Variants in CNTNAP3 observed in about 807,000 individuals in gnomAD.
The protein encoded by CNTNAP3 is contactin-associated protein-like 3.
Under a neutral mutation model 92.1 loss-of-function variants are expected in CNTNAP3, and 36 were observed. The ratio of observed to expected loss-of-function variants is 0.39; its 90% CI spans 0.30 to 0.52. The LOEUF (loss-of-function observed/expected upper bound fraction) is 0.52, where lower values mean the gene tolerates loss of function less well. Among genes scored for constraint, CNTNAP3 ranks in the 20% least tolerant of loss-of-function variants. CNTNAP3 has a pLI of 0.76. For synonymous variants in CNTNAP3, 232 were observed against 422.3 expected (o/e 0.55, Z 5.53); for missense variants, 534 against 1,069.6 (o/e 0.50, Z 6.98).
chr9:39,108,088 A>G (rs892513750), intron 15 of CNTNAP3, among the ~76,000 whole-genome samples: 22 of 152,140 alleles, frequency 1.4e-4, no homozygotes, highest in African/African-American at 5.3e-4. Context: ...TACTGCTCAC[A>G]GCACAGCATG....
At chr9:39,140,390 T>C in intron 12 of CNTNAP3, 129 bp downstream of exon 12, 1 of 1,389,486 alleles carries the variant, frequency 7.2e-7, no homozygotes, top group Non-Finnish European at 9.5e-7. Context: ...ACAAAATTAA[T>C]AAATATATAT....
chr9:39,161,695 T>TAATAATAATAATAAA lies in CNTNAP3; in HGVS notation c.1477+4237_1477+4238insTTTATTATTATTATT, dbSNP rs35637989. Among the ~76,000 whole-genome samples, 37 of 127,664 alleles carry TAATAATAATAATAAA rather than the reference T, an allele frequency of 2.9e-4. 3 individuals carry two copies. The South Asian group carries it at 3.2e-3, about 11-fold the overall frequency. The allele number at this position is 127,664 out of a possible 152,430, so 83.8% of individuals were successfully genotyped here. A position where few individuals can be genotyped will look rare whatever the true frequency, so the allele number is the denominator to read the frequency against. ...ATAATAATAATAATAATAATAATAA[T>TAATAATAATAATAAA]AAATTAGCTGGATGTGGTGGCACGT... is the stretch of plus-strand genomic sequence containing the variant. On this transcript the variant is annotated intron_variant, in intron 9 of 23. Coordinates refer to ENST00000297668, the MANE Select transcript of CNTNAP3 (RefSeq NM_033655.5).
At chr9:39,147,546 T>C (rs1821732166) in intron 10 of CNTNAP3, among the ~76,000 whole-genome samples, 2 of 152,326 alleles carry the variant, frequency 1.3e-5, no homozygotes, top group South Asian at 4.1e-4. Flanking sequence ...CCTTTATTTG[T>C]AGCCCTATTT....
At chr9:39,096,489 G>T (rs1826328780) in intron 18 of CNTNAP3, among the ~76,000 whole-genome samples, 1 of 151,944 alleles carries the variant, frequency 6.6e-6, no homozygotes, top group Non-Finnish European at 1.5e-5. Context: ...CAAACAATGT[G>T]TAATGATCAA....
intron 15 of CNTNAP3, among the ~76,000 whole-genome samples, chr9:39,108,468 T>C (rs1181021721): frequency 2.6e-5 from 4 of 152,142 alleles, no homozygotes; most frequent in Non-Finnish European, 5.9e-5. Context: ...AGAAGTAGCC[T>C]CCACACATTG....
rs1245614690 is a variant in CNTNAP3 at position 39,065,115 on chromosome 9, C to T, written c.*8775G>A. 1.3e-5 allele frequency among the ~76,000 whole-genome samples: 2 copies of T among 152,304 alleles called. No individual in the cohort carries two copies. Among genetic ancestry groups the T allele is most frequent in the African/African-American group, 4.8e-5 (2 of 41,480 alleles). ...AAGACATAGAACATTTCCATCACTC[C>T]AGAAACTTCCCTTGTGTTTCTCTGC... On this transcript the variant is annotated 3_prime_UTR_variant, in exon 24 of 24. Coordinates refer to ENST00000297668, the MANE Select transcript of CNTNAP3 (RefSeq NM_033655.5).
chr9:39,117,086 G>A (rs1820876447), intron 14 of CNTNAP3, among the ~76,000 whole-genome samples: 2 of 151,982 alleles, frequency 1.3e-5, no homozygotes, highest in Non-Finnish European at 2.9e-5. Flanking sequence ...TCTACCTCCT[G>A]GGTTAAGCAA....
intron 17 of CNTNAP3, among the ~76,000 whole-genome samples, chr9:39,100,973 CA>C (rs1446167520): frequency 6.6e-6 from 1 of 150,844 alleles, no homozygotes. Flanking sequence ...AACTATCAAT[CA>C]GCTTTGTGGG....
chr9:39,123,334 T>G (rs950488083), intron 13 of CNTNAP3, among the ~76,000 whole-genome samples: 1 of 151,942 alleles, frequency 6.6e-6, no homozygotes, highest in African/African-American at 2.4e-5. Context: ...GAACTTGTGA[T>G]CCGCCCGCCT....
intron 21 of CNTNAP3, among the ~76,000 whole-genome samples, chr9:39,079,171 G>GT (rs1313538907): frequency 2.6e-5 from 4 of 152,124 alleles, no homozygotes; most frequent in Non-Finnish European, 5.9e-5. Flanking sequence ...CTCTCTGCAA[G>GT]TAACAGAGCT....
intron 13 of CNTNAP3, among the ~76,000 whole-genome samples, chr9:39,123,252 G>A (rs1388026023): frequency 2.6e-5 from 4 of 151,744 alleles, no homozygotes; most frequent in African/African-American, 9.7e-5. Flanking sequence ...CCGCCACCAC[G>A]CCCGGCTAAT....
At chr9:39,121,302 G>A (rs59068312) in intron 13 of CNTNAP3, among the ~76,000 whole-genome samples, 21,937 of 151,422 alleles carry the variant, frequency 0.14, 2,022 homozygotes, top group East Asian at 0.2. Context: ...ACTAGAACAG[G>A]GACATTACAT....
chr9:39,082,503 T>C (rs1472878076), intron 21 of CNTNAP3, among the ~76,000 whole-genome samples: 1 of 152,198 alleles, frequency 6.6e-6, no homozygotes, highest in Admixed American at 6.5e-5. Flanking sequence ...TGACTTTTTA[T>C]AGGGTTTTTA....
intron 9 of CNTNAP3, chr9:39,153,970 G>A (rs887655410): frequency 6.0e-6 from 1 of 167,186 alleles, no homozygotes; most frequent in African/African-American, 2.7e-5. Context: ...CATTTATCTG[G>A]CATCAGGAAA....
intron 15 of CNTNAP3, among the ~76,000 whole-genome samples, chr9:39,106,014 T>C (rs1290632128): frequency 2.0e-5 from 3 of 152,116 alleles, no homozygotes; most frequent in Non-Finnish European, 4.4e-5. Flanking sequence ...TGTATAACTC[T>C]TTCCTCAGTG....
rs1486128408 is a variant in CNTNAP3, at chr9:39,069,743, A to C, written c.*4147T>G. Among the ~76,000 whole-genome samples, 2 of 152,302 alleles carry C rather than the reference A, an allele frequency of 1.3e-5. No homozygotes were observed. The highest frequency in any genetic ancestry group is 1.9e-4 in the East Asian group (1 of 5,206). On this transcript the variant is annotated 3_prime_UTR_variant, in exon 24 of 24. Coordinates refer to ENST00000297668, the MANE Select transcript of CNTNAP3 (RefSeq NM_033655.5). ...GTTACATTTGCACTTAAGTATACCA[A>C]CTTAAACCGTGAGTGGCTGTTCTGA...
intron 7 of CNTNAP3, 120 bp downstream of exon 7, chr9:39,175,829 G>GTTAAAGTTAAAGTAACTTTACTTA (rs1822333742): frequency 1.2e-5 from 1 of 80,702 alleles, no homozygotes; most frequent in Non-Finnish European, 2.4e-5. Flanking sequence ...TACATGGGCA[G>GTTAAAGTTAAAGTAACTTTACTTA]CTGTTAAAGT....
intron 9 of CNTNAP3, chr9:39,159,567 G>A (rs1056965521): frequency 4.4e-5 from 6 of 137,098 alleles, no homozygotes; most frequent in African/African-American, 1.4e-4. Flanking sequence ...CCTGATCTCA[G>A]GTGATCCGCC....
At chr9:39,150,957 T>C (rs1015396620) in intron 9 of CNTNAP3, among the ~76,000 whole-genome samples, 2 of 147,106 alleles carry the variant, frequency 1.4e-5, no homozygotes, top group African/African-American at 5.1e-5. Context: ...AGTAGTGTCT[T>C]GAACTTACTC....
Sources: allele counts gnomAD v4.1 joint callset (sites outside exome capture counted in the v4.1 genomes callset), GRCh38; gene constraint gnomAD v4.1.1; transcripts MANE v1.5; gene names NCBI Gene and HGNC (gene_info 2026-07-23, HGNC 2026-07-21).